NSMCE2: variants seen among roughly 807,000 people sequenced by gnomAD.
NSMCE2 encodes the protein NSE2 SUMO ligase component of SMC5/6 complex.
NSMCE2 carries 24 observed loss-of-function variants against 23.8 expected under a neutral mutation model. That is an observed-to-expected ratio of 1.01 (90% CI 0.73 to 1.42). The LOEUF (loss-of-function observed/expected upper bound fraction) is 1.42. Ranked by LOEUF, NSMCE2 falls within the 40% of genes most tolerant of loss-of-function variation. NSMCE2 has a pLI of 0.00. For synonymous variants in NSMCE2, 92 were observed against 94.1 expected, an observed-to-expected ratio of 0.98 and a Z score of 0.13; for missense variants, 284 against 296.5, an observed-to-expected ratio of 0.96 and a Z score of 0.31.
chr8:125,191,498 G>A (rs1343241898), intron 5 of NSMCE2, among the ~76,000 whole-genome samples: 2 of 152,160 alleles, frequency 1.3e-5, no homozygotes, highest in Non-Finnish European at 2.9e-5. Flanking sequence ...GATGTACTTT[G>A]ATGACGCTGG....
chr8:125,175,317 A>AG (rs745855830), intron 4 of NSMCE2, among the ~76,000 whole-genome samples: 8 of 152,182 alleles, frequency 5.3e-5, no homozygotes, highest in Non-Finnish European at 1.2e-4. Context: ...GGATCAGTTG[A>AG]GGCAATTCCC....
chr8:125,338,275 T>C (rs1194423043), intron 5 of NSMCE2, among the ~76,000 whole-genome samples: 2 of 104,186 alleles, frequency 1.9e-5, no homozygotes, highest in African/African-American at 2.9e-5. Flanking sequence ...TCTACCTAGA[T>C]GTTGGGTGGA....
At chr8:125,151,082 A>G (rs1212771009) in intron 3 of NSMCE2, 89 bp from the exon 4 acceptor site, 5 of 559,856 alleles carry the variant, frequency 8.9e-6, no homozygotes, top group Non-Finnish European at 1.6e-5. Context: ...TATTTAGACC[A>G]TTGACTGATG....
chr8:125,126,123 C>T (rs1393779408), intron 3 of NSMCE2, among the ~76,000 whole-genome samples: 1 of 152,104 alleles, frequency 6.6e-6, no homozygotes, highest in Non-Finnish European at 1.5e-5. Flanking sequence ...TGACTCACAC[C>T]TGTAATTCCA....
chr8:125,271,890 G>T (rs1431128326), intron 5 of NSMCE2, among the ~76,000 whole-genome samples: 3 of 152,088 alleles, frequency 2.0e-5, no homozygotes, highest in Non-Finnish European at 4.4e-5. Flanking sequence ...TAATATCTCT[G>T]TGAGTTTATA....
At chr8:125,104,971 C>T (rs1389291601) in intron 3 of NSMCE2, among the ~76,000 whole-genome samples, 7 of 152,072 alleles carry the variant, frequency 4.6e-5, no homozygotes, top group African/African-American at 1.7e-4. Flanking sequence ...TGCAGTGAGC[C>T]GAGATTGTGC....
At position 125,102,475 on chromosome 8, in the gene NSMCE2, G is replaced by A; in HGVS notation, c.145G>A (p.Val49Met). Residue 49 changes from valine (V) to methionine (M), a missense_variant, in exon 3 of 8, where the codon GTG becomes ATG. Physicochemically the swap from Val to Met is conservative, Grantham distance 21 (BLOSUM62 1). Coordinates refer to ENST00000287437, the MANE Select transcript of NSMCE2 (RefSeq NM_173685.4). ...DTASSVALDL[V>M]ESQTEVSSEY... ...AGCTTCTAGTGTTGCTTTGGATCTT[G>A]TGGAAAGTCAGAGTAAGTAAAATTA... The A allele has an allele frequency of 6.2e-7, 1 of 1,613,816 alleles. No homozygotes were observed. Among genetic ancestry groups the A allele is most frequent in the Non-Finnish European group, 8.5e-7 (1 of 1,179,764 alleles).
At chr8:125,232,350 T>G (rs954343859) in intron 5 of NSMCE2, among the ~76,000 whole-genome samples, 3 of 150,068 alleles carry the variant, frequency 2.0e-5, no homozygotes, top group Non-Finnish European at 3.0e-5. Flanking sequence ...GCAACAAGAG[T>G]GAAACTCCGT....
At position 125,150,437 on chromosome 8, in the gene NSMCE2, T is replaced by C. The variant is rs557212508; in HGVS notation, c.158-734T>C. 5.6e-3 allele frequency among the ~76,000 whole-genome samples: 756 copies of C among 135,842 alleles called. 2 individuals are homozygous for C. The highest frequency in any genetic ancestry group is 1.0e-2 in the Non-Finnish European group (628 of 62,992). 89.1% of individuals were successfully genotyped at this position (135,842 alleles called of 152,430 possible). A position where few individuals can be genotyped will look rare whatever the true frequency, so the allele number is the denominator to read the frequency against. On this transcript the variant is annotated intron_variant, in intron 3 of 7. Transcript: ENST00000287437. ...TCTTTTCTTTCTTTCTTTTTTTTTT[T>C]TTTTTTTTTTTTTTGAGATGGAGTC...
At chr8:125,200,345 A>G (rs1053175612) in intron 5 of NSMCE2, among the ~76,000 whole-genome samples, 1 of 152,134 alleles carries the variant, frequency 6.6e-6, no homozygotes, top group African/African-American at 2.4e-5. Flanking sequence ...TGCTTCCTTC[A>G]GGAGCTCTTG....
intron 5 of NSMCE2, among the ~76,000 whole-genome samples, chr8:125,199,018 G>A (rs1383547164): frequency 6.6e-6 from 1 of 152,114 alleles, no homozygotes; most frequent in Non-Finnish European, 1.5e-5. Context: ...GTATTTCTGT[G>A]GGATTGGTGG....
chr8:125,239,760 G>C (rs1212877758), intron 5 of NSMCE2, among the ~76,000 whole-genome samples: 2 of 152,010 alleles, frequency 1.3e-5, no homozygotes, highest in African/African-American at 4.8e-5. Context: ...AATATACCCA[G>C]AATTTGCAAA....
At chr8:125,328,628 A>G (rs1408323434) in intron 5 of NSMCE2, among the ~76,000 whole-genome samples, 2 of 152,184 alleles carry the variant, frequency 1.3e-5, no homozygotes, top group African/African-American at 2.4e-5. Context: ...GATTCTCCAC[A>G]TGATTCACAG....
At chr8:125,147,383 G>C (rs1054641079) in intron 3 of NSMCE2, among the ~76,000 whole-genome samples, 14 of 152,112 alleles carry the variant, frequency 9.2e-5, no homozygotes, top group Admixed American at 5.9e-4. Flanking sequence ...ATAATTCTTT[G>C]TTGGATCCTA....
chr8:125,330,955 A>G (rs1423685327), intron 5 of NSMCE2, among the ~76,000 whole-genome samples: 1 of 152,134 alleles, frequency 6.6e-6, no homozygotes, highest in Non-Finnish European at 1.5e-5. Context: ...TTTTTGTGTT[A>G]CCACCTCTTT....
At chr8:125,288,366 T>TA (rs1489332843) in intron 5 of NSMCE2, among the ~76,000 whole-genome samples, 2 of 152,206 alleles carry the variant, frequency 1.3e-5, no homozygotes, top group African/African-American at 4.8e-5. Context: ...CTCCCTCAGG[T>TA]AGTGCATCAT....
chr8:125,152,379 C>T (rs951896060), intron 4 of NSMCE2, among the ~76,000 whole-genome samples: 5 of 152,184 alleles, frequency 3.3e-5, no homozygotes, highest in African/African-American at 1.2e-4. Flanking sequence ...CAGCCAGTTT[C>T]TGAACTCTCA....
At chr8:125,292,978 A>G (rs1467657715) in intron 5 of NSMCE2, among the ~76,000 whole-genome samples, 5 of 152,230 alleles carry the variant, frequency 3.3e-5, no homozygotes, top group African/African-American at 1.2e-4. Context: ...AGAATTTAGG[A>G]AAGAGTCTAA....
At chr8:125,253,751 C>G (rs146766729) in intron 5 of NSMCE2, among the ~76,000 whole-genome samples, 6 of 152,250 alleles carry the variant, frequency 3.9e-5, no homozygotes, top group African/African-American at 1.2e-4. Flanking sequence ...GTATAGGCAG[C>G]CTGATTTAAA....
Sources: gnomAD v4.1 joint callset for allele counts (sites outside exome capture counted in the v4.1 genomes callset) on GRCh38, gnomAD v4.1.1 for gene constraint, MANE v1.5 for transcripts, NCBI Gene and HGNC (gene_info 2026-07-23, HGNC 2026-07-21) for gene names.